The following FBXL4 variants were observed in gnomAD, a reference collection of about 807,000 sequenced individuals.
FBXL4 encodes the protein F-box and leucine rich repeat protein 4, also known as F-box/LRR-repeat protein 4.
FBXL4 carries 40 observed loss-of-function variants against 58.9 expected under a neutral mutation model. The observed-to-expected ratio is 0.68, with a 90% CI of 0.53 to 0.88. The LOEUF is 0.88. Among genes scored for constraint, FBXL4 ranks in the 40% least tolerant of loss-of-function variants. The pLI, the probability that FBXL4 is intolerant of heterozygous loss-of-function variation, is 0.00. For missense variants in FBXL4, 676 were observed against 734.4 expected, an observed-to-expected ratio of 0.92 and a Z score of 0.92; for synonymous variants, 263 against 265.5, an observed-to-expected ratio of 0.99 and a Z score of 0.09.
chr6:98,883,364 G>A (rs1178942920), intron 7 of FBXL4, among the ~76,000 whole-genome samples: 1 of 151,828 alleles, frequency 6.6e-6, no homozygotes, highest in Non-Finnish European at 1.5e-5. Flanking sequence ...CCTTCTCTGA[G>A]GCATGTCTTT....
chr6:98,899,044 A>G, intron 7 of FBXL4: 5 of 985,408 alleles, frequency 5.1e-6, no homozygotes, highest in Non-Finnish European at 6.0e-6. Flanking sequence ...GCATCACAAA[A>G]ATTTTAAGAG....
chr6:98,890,645 G>A (rs1259899078), intron 7 of FBXL4, among the ~76,000 whole-genome samples: 1 of 152,138 alleles, frequency 6.6e-6, no homozygotes, highest in African/African-American at 2.4e-5. Flanking sequence ...AAAGCCAGGT[G>A]CAGTAACTCA....
intron 4 of FBXL4, among the ~76,000 whole-genome samples, chr6:98,922,002 C>T (rs932994572): frequency 1.3e-5 from 2 of 152,034 alleles, no homozygotes; most frequent in Non-Finnish European, 2.9e-5. Context: ...CTCTATAAAA[C>T]CTGCAACCTC....
intron 4 of FBXL4, among the ~76,000 whole-genome samples, chr6:98,925,259 G>A (rs1174060874): frequency 6.6e-6 from 1 of 152,068 alleles, no homozygotes; most frequent in Non-Finnish European, 1.5e-5. Flanking sequence ...TACTCTGTAG[G>A]CGAGGCTTTG....
chr6:98,897,800 C>T (rs1309059312), intron 7 of FBXL4, among the ~76,000 whole-genome samples: 1 of 152,164 alleles, frequency 6.6e-6, no homozygotes, highest in Non-Finnish European at 1.5e-5. Context: ...CACCTGCTCT[C>T]TTGGGAACCA....
intron 6 of FBXL4, 39 bp downstream of exon 6, chr6:98,905,387 C>G (rs1179119564): frequency 1.4e-5 from 22 of 1,603,356 alleles, no homozygotes; most frequent in Non-Finnish European, 1.8e-5. Context: ...TAACCTGCTG[C>G]TGGGGGGGAA....
At chr6:98,939,792 A>G (rs1773364744) in intron 1 of FBXL4, among the ~76,000 whole-genome samples, 1 of 152,264 alleles carries the variant, frequency 6.6e-6, no homozygotes, top group Non-Finnish European at 1.5e-5. Context: ...TACACTAAGC[A>G]TGATGAAAAA....
rs149253923 is a variant in FBXL4 at position 98,928,941 on chromosome 6, C to G, written c.-190-1119G>C. ...ACATCAGTAGCCTTACTTTCTGATA[C>G]CTACTGGCACTGCATTTTTATGAGA... On this transcript the variant is annotated intron_variant, in intron 2 of 9. Coordinates refer to ENST00000369244, the MANE Select transcript of FBXL4 (RefSeq NM_001278716.2). 3.5e-3 allele frequency among the ~76,000 whole-genome samples: 540 copies of G among 152,188 alleles called. 3 individuals are homozygous for G. The highest frequency in any genetic ancestry group is 0.012 in the African/African-American group (489 of 41,502).
Position 98,875,699 on chromosome 6 carries a change from A to C in FBXL4, c.1418T>G (p.Met473Arg). The C allele has an allele frequency of 6.2e-7, 1 of 1,613,848 alleles. No individual in the cohort carries two copies. The highest frequency in any genetic ancestry group is 8.5e-7 in the Non-Finnish European group (1 of 1,179,978). ...GAGTTTTTTACACTTGGCTCCTATCATGCTAGCTATCACATCATAGTCTTC... is the reference window on the plus strand; with the variant it reads ...GAGTTTTTTACACTTGGCTCCTATCCTGCTAGCTATCACATCATAGTCTTC... ...MIEDYDVIAS[M>R]IGAKCKKLRT... Residue 473 changes from methionine (M) to arginine (R), a missense_variant, in exon 9 of 10, where the codon ATG (methionine) becomes AGG (arginine). By Grantham distance (91) the Met-to-Arg change is moderately conservative. Coordinates refer to ENST00000369244, the MANE Select transcript of FBXL4 (RefSeq NM_001278716.2).
chr6:98,901,689 C>T (rs533512700), intron 6 of FBXL4, among the ~76,000 whole-genome samples: 2 of 152,268 alleles, frequency 1.3e-5, no homozygotes, highest in East Asian at 3.9e-4. Flanking sequence ...TTCATATCTA[C>T]ATCCCAAGAG....
chr6:98,910,620 G>A (rs1772005177), intron 5 of FBXL4, among the ~76,000 whole-genome samples: 1 of 151,132 alleles, frequency 6.6e-6, no homozygotes, highest in African/African-American at 2.4e-5. Flanking sequence ...TGGCACCACT[G>A]CACTCCAGCC....
chr6:98,874,175 T>C lies in FBXL4; in HGVS notation c.*103A>G, dbSNP rs929163891. The C allele has an allele frequency of 4.9e-6, 4 of 819,434 alleles. No homozygotes were observed. Among genetic ancestry groups the C allele is most frequent in the Admixed American group, 6.6e-5 (2 of 30,338 alleles). 50.8% of individuals were successfully genotyped at this position (819,434 alleles called of 1,614,324 possible). A position where few individuals can be genotyped will look rare whatever the true frequency, so the allele number is the denominator to read the frequency against. ...TATTTTTCTTTAAAATCTACAAATG[T>C]CTTAATTCTTACCATTAAAACAACT... On this transcript the variant is annotated 3_prime_UTR_variant, in exon 10 of 10. Coordinates refer to ENST00000369244, the MANE Select transcript of FBXL4 (RefSeq NM_001278716.2).
In FBXL4 at chr6:98,935,652, G is replaced by A. The variant is rs370094281; in HGVS notation, c.-308-773C>T. Among the ~76,000 whole-genome samples the A allele has an allele frequency of 5.3e-5, 8 of 151,270 alleles. No homozygotes were observed. In the East Asian group the frequency reaches 1.4e-3, roughly 26 times the overall value. ...AAAATACAAAAAATTAGCCGGGCGC[G>A]GTGGCGGGCGCCTGTAGTCCCAGCT... On this transcript the variant is annotated intron_variant, in intron 1 of 9. Coordinates refer to ENST00000369244, the MANE Select transcript of FBXL4 (RefSeq NM_001278716.2).
At chr6:98,879,942 CAAAA>C (rs57952065) in intron 8 of FBXL4, among the ~76,000 whole-genome samples, 2 of 62,542 alleles carry the variant, frequency 3.2e-5, no homozygotes, top group East Asian at 3.7e-4. Flanking sequence ...GACTCCATCT[CAAAA>C]AAAAAAAAAA....
intron 4 of FBXL4, among the ~76,000 whole-genome samples, chr6:98,926,097 C>T (rs1191298802): frequency 6.6e-6 from 1 of 152,132 alleles, no homozygotes; most frequent in Admixed American, 6.5e-5. Flanking sequence ...ACTCACAGGC[C>T]TATTGTGAGT....
chr6:98,882,349 A>G (rs569010663), intron 7 of FBXL4, among the ~76,000 whole-genome samples: 18 of 152,108 alleles, frequency 1.2e-4, no homozygotes, highest in African/African-American at 4.1e-4. Context: ...TTGAAAATAT[A>G]TAATTTTCCA....
intron 1 of FBXL4, among the ~76,000 whole-genome samples, chr6:98,943,202 T>C (rs1442071101): frequency 6.6e-6 from 1 of 152,150 alleles, no homozygotes; most frequent in Non-Finnish European, 1.5e-5. Context: ...GATCTCTGTA[T>C]TATTTCTTAC....
At chr6:98,938,512 A>G (rs1011308745) in intron 1 of FBXL4, among the ~76,000 whole-genome samples, 1 of 152,228 alleles carries the variant, frequency 6.6e-6, no homozygotes, top group African/African-American at 2.4e-5. Flanking sequence ...CAAAGCATTG[A>G]TGAAATCAAT....
At chr6:98,898,679 AC>A in intron 7 of FBXL4, 1 of 985,216 alleles carries the variant, frequency 1.0e-6, no homozygotes, top group Non-Finnish European at 1.2e-6. Flanking sequence ...AACTGGAAAA[AC>A]TAAATGTTGA....
Sources: gnomAD v4.1 joint callset for allele counts (sites outside exome capture counted in the v4.1 genomes callset) on GRCh38, gnomAD v4.1.1 for gene constraint, MANE v1.5 for transcripts, NCBI Gene and HGNC (gene_info 2026-07-23, HGNC 2026-07-21) for gene names.